Variants in AGBL4 observed in about 807,000 individuals in gnomAD.
AGBL4 encodes the protein cytosolic carboxypeptidase 6.
Under a neutral mutation model 66.4 loss-of-function variants are expected in AGBL4, and 58 were observed. The observed-to-expected ratio is 0.87, with a 90% CI of 0.71 to 1.09. AGBL4 has a LOEUF of 1.09. AGBL4 is among the 50% of genes least tolerant of loss of function. The pLI, the probability that AGBL4 is intolerant of heterozygous loss-of-function variation, is 0.00. For missense variants in AGBL4, 579 were observed against 631.0 expected (o/e 0.92, Z 0.88); for synonymous variants, 234 against 222.9 (o/e 1.05, Z -0.44).
intron 3 of AGBL4, among the ~76,000 whole-genome samples, chr1:49,333,523 C>T (rs1271488140): frequency 2.0e-5 from 3 of 151,984 alleles, no homozygotes; most frequent in Non-Finnish European, 4.4e-5. Context: ...CCATAAAATT[C>T]AGGATAATTA....
chr1:49,931,392 A>G (rs1444124023), intron 1 of AGBL4, among the ~76,000 whole-genome samples: 1 of 152,192 alleles, frequency 6.6e-6, no homozygotes, highest in African/African-American at 2.4e-5. Flanking sequence ...ATTGACTCAC[A>G]GTTCTGAATG....
intron 3 of AGBL4, among the ~76,000 whole-genome samples, chr1:49,560,059 A>G (rs1643998151): frequency 6.6e-6 from 1 of 152,056 alleles, no homozygotes; most frequent in Non-Finnish European, 1.5e-5. Flanking sequence ...CTACCTCTTC[A>G]ATGGCCAGAC....
intron 4 of AGBL4, among the ~76,000 whole-genome samples, chr1:49,137,492 T>G (rs922418267): frequency 1.3e-5 from 2 of 152,170 alleles, no homozygotes; most frequent in Admixed American, 6.6e-5. Flanking sequence ...AAGTAGAGAC[T>G]GTAATCCTCA....
At chr1:49,006,379 C>T (rs1339828599) in intron 5 of AGBL4, among the ~76,000 whole-genome samples, 2 of 152,168 alleles carry the variant, frequency 1.3e-5, no homozygotes, top group Non-Finnish European at 2.9e-5. Context: ...GGGTCCTACG[C>T]CCACGGAGTC....
intron 4 of AGBL4, among the ~76,000 whole-genome samples, chr1:49,088,250 T>C (rs1274776450): frequency 6.6e-6 from 1 of 152,204 alleles, no homozygotes; most frequent in Non-Finnish European, 1.5e-5. Context: ...ACCTTGAATG[T>C]AAATGAGCTA....
At chr1:49,783,422 T>C (rs1439619332) in intron 2 of AGBL4, among the ~76,000 whole-genome samples, 1 of 152,070 alleles carries the variant, frequency 6.6e-6, no homozygotes, top group African/African-American at 2.4e-5. Flanking sequence ...AAAAATCAAA[T>C]GGTCATTGCA....
chr1:48,931,654 G>T (rs1242840999), intron 5 of AGBL4, among the ~76,000 whole-genome samples: 2 of 152,044 alleles, frequency 1.3e-5, no homozygotes, highest in Non-Finnish European at 2.9e-5. Flanking sequence ...GGAGTAGCTG[G>T]AACTAAAGGC....
At chr1:49,639,417 T>C (rs1645738707) in intron 3 of AGBL4, among the ~76,000 whole-genome samples, 1 of 152,190 alleles carries the variant, frequency 6.6e-6, no homozygotes, top group African/African-American at 2.4e-5. Flanking sequence ...AAAGTGAGCT[T>C]CTCTCACACT....
At chr1:49,530,480 T>C (rs889225540) in intron 3 of AGBL4, among the ~76,000 whole-genome samples, 1 of 151,934 alleles carries the variant, frequency 6.6e-6, no homozygotes, top group Admixed American at 6.6e-5. Flanking sequence ...ATGAAGTAGC[T>C]AGCTAAAAGC....
At chr1:49,357,716 C>T (rs972877938) in intron 3 of AGBL4, among the ~76,000 whole-genome samples, 1 of 152,168 alleles carries the variant, frequency 6.6e-6, no homozygotes, top group African/African-American at 2.4e-5. Context: ...CCACTCCAAG[C>T]CTCAGTCTAT....
chr1:49,553,513 C>T (rs1355304948), intron 3 of AGBL4, among the ~76,000 whole-genome samples: 1 of 152,266 alleles, frequency 6.6e-6, no homozygotes, highest in African/African-American at 2.4e-5. Flanking sequence ...AGTACCACAT[C>T]CCCCATTAAC....
intron 3 of AGBL4, among the ~76,000 whole-genome samples, chr1:49,467,564 C>T (rs78197768): frequency 2.3e-4 from 35 of 151,928 alleles, no homozygotes; most frequent in South Asian, 1.2e-3. Flanking sequence ...ATGAGCAATG[C>T]AGGACTACTG....
intron 3 of AGBL4, among the ~76,000 whole-genome samples, chr1:49,318,557 G>A (rs1004896528): frequency 2.6e-5 from 4 of 152,016 alleles, no homozygotes; most frequent in Non-Finnish European, 5.9e-5. Context: ...ATAGAATTTA[G>A]AGAATTCCTT....
intron 3 of AGBL4, among the ~76,000 whole-genome samples, chr1:49,419,983 C>G (rs1645508363): frequency 6.6e-6 from 1 of 152,146 alleles, no homozygotes. Context: ...GCCCCTGTAG[C>G]AGGTTTAAAG....
intron 3 of AGBL4, among the ~76,000 whole-genome samples, chr1:49,288,419 A>T (rs1013603638): frequency 6.6e-6 from 1 of 152,102 alleles, no homozygotes; most frequent in Admixed American, 6.5e-5. Flanking sequence ...TTCTAGATCC[A>T]ACAGAGAGCA....
At chr1:48,983,512 TA>T (rs2148967994) in intron 5 of AGBL4, among the ~76,000 whole-genome samples, 1 of 152,290 alleles carries the variant, frequency 6.6e-6, no homozygotes, top group East Asian at 1.9e-4. Context: ...AAGATTATTG[TA>T]AAAGGCAACA....
chr1:49,666,223 T>C (rs1451395618), intron 3 of AGBL4, among the ~76,000 whole-genome samples: 1 of 152,066 alleles, frequency 6.6e-6, no homozygotes. Context: ...ATAGGAGGCA[T>C]TCAACAAATG....
At chr1:48,593,622 G>A (rs528459959) in intron 9 of AGBL4, among the ~76,000 whole-genome samples, 87 of 152,116 alleles carry the variant, frequency 5.7e-4, no homozygotes, top group African/African-American at 1.9e-3. Flanking sequence ...AGGGTGGTGG[G>A]TGCCTATAAT....
chr1:48,780,841 G>T (rs902114151), intron 6 of AGBL4, among the ~76,000 whole-genome samples: 1 of 152,096 alleles, frequency 6.6e-6, no homozygotes, highest in African/African-American at 2.4e-5. Flanking sequence ...GAAAACCTAG[G>T]TAATACCATT....
Sources: gnomAD v4.1 joint callset for allele counts (sites outside exome capture counted in the v4.1 genomes callset) on GRCh38, gnomAD v4.1.1 for gene constraint, MANE v1.5 for transcripts, NCBI Gene and HGNC (gene_info 2026-07-23, HGNC 2026-07-21) for gene names.